Variants in ME3 observed in about 807,000 individuals in gnomAD.
The protein encoded by ME3 is malic enzyme 3.
A neutral mutation model predicts 68.9 loss-of-function variants in ME3; 48 were observed. The observed-to-expected ratio is 0.70, with a 90% CI of 0.55 to 0.89. ME3 has a LOEUF of 0.89. Ranked by LOEUF, ME3 falls within the 40% of genes least tolerant of loss-of-function variation. ME3 has a pLI of 0.00. For missense variants in ME3, 675 were observed against 797.4 expected, an observed-to-expected ratio of 0.85 and a Z score of 1.85; for synonymous variants, 320 against 318.8, an observed-to-expected ratio of 1.00 and a Z score of -0.04.
chr11:86,639,115 C>A (rs769415827), intron 2 of ME3, among the ~76,000 whole-genome samples: 1 of 152,238 alleles, frequency 6.6e-6, no homozygotes, highest in African/African-American at 2.4e-5. Context: ...CTTATTACTA[C>A]ATCTGTCTGA....
At chr11:86,579,941 G>T (rs1483369211) in intron 2 of ME3, among the ~76,000 whole-genome samples, 2 of 152,170 alleles carry the variant, frequency 1.3e-5, no homozygotes, top group African/African-American at 4.8e-5. Context: ...TGGAACCTTG[G>T]AACTTCAAAC....
intron 2 of ME3, among the ~76,000 whole-genome samples, chr11:86,612,392 T>C (rs929463487): frequency 9.2e-5 from 14 of 152,374 alleles, no homozygotes; most frequent in African/African-American, 3.4e-4. Flanking sequence ...TGTGTCTTTA[T>C]AGGAGAATGA....
chr11:86,476,569 G>T (rs1459908962), intron 7 of ME3, among the ~76,000 whole-genome samples: 1 of 152,142 alleles, frequency 6.6e-6, no homozygotes, highest in Non-Finnish European at 1.5e-5. Flanking sequence ...ACTCTGAGTG[G>T]TGAGTTTGAA....
At chr11:86,658,416 C>G (rs1327768760) in intron 2 of ME3, among the ~76,000 whole-genome samples, 1 of 152,006 alleles carries the variant, frequency 6.6e-6, no homozygotes, top group African/African-American at 2.4e-5. Flanking sequence ...AGCCACTGCA[C>G]TCAGCCTGCA....
intron 2 of ME3, among the ~76,000 whole-genome samples, chr11:86,647,352 G>A (rs1304161425): frequency 6.6e-5 from 10 of 152,090 alleles, no homozygotes; most frequent in African/African-American, 1.4e-4. Context: ...AGGTGTGGTG[G>A]CGGGCACCTG....
chr11:86,599,435 G>C (rs1336038159), intron 2 of ME3, among the ~76,000 whole-genome samples: 1 of 152,210 alleles, frequency 6.6e-6, no homozygotes, highest in Admixed American at 6.5e-5. Context: ...AAGCCTCCAA[G>C]AAATATGGGA....
At chr11:86,613,639 A>G (rs1251077150) in intron 2 of ME3, among the ~76,000 whole-genome samples, 2 of 152,198 alleles carry the variant, frequency 1.3e-5, no homozygotes, top group African/African-American at 4.8e-5. Context: ...TACAAAATCA[A>G]TGTGCAAAAA....
At chr11:86,666,301 G>A (rs1946584440) in intron 2 of ME3, among the ~76,000 whole-genome samples, 1 of 152,202 alleles carries the variant, frequency 6.6e-6, no homozygotes, top group African/African-American at 2.4e-5. Context: ...GGAATTCACA[G>A]CAGAGGTAAG....
intron 7 of ME3, among the ~76,000 whole-genome samples, chr11:86,470,653 C>T (rs778316787): frequency 2.4e-4 from 37 of 152,222 alleles, no homozygotes; most frequent in Non-Finnish European, 4.3e-4. Flanking sequence ...TGTTGCATCT[C>T]ATCCTCACCA....
rs548177364 is a variant in ME3, at chr11:86,569,780, G to T, written c.184-9957C>A. ...CCACTTTGTGGACTAGGAAACTGAG[G>T]TTAGAGTGGTAAGTAACTTGCCCAA... On this transcript the variant is annotated intron_variant, in intron 2 of 14. Transcript: ENST00000543262. Among the ~76,000 whole-genome samples, 10 of 152,320 alleles carry T rather than the reference G, an allele frequency of 6.6e-5. No individual in the cohort carries two copies. In the East Asian group the frequency reaches 1.9e-3, roughly 29 times the overall value.
intron 4 of ME3, among the ~76,000 whole-genome samples, chr11:86,537,245 C>G (rs1032915510): frequency 2.4e-4 from 37 of 151,284 alleles, no homozygotes; most frequent in Admixed American, 1.2e-3. Context: ...ATGTAACTAA[C>G]CTGCACAATG....
chr11:86,576,535 G>C (rs377291913), intron 2 of ME3, among the ~76,000 whole-genome samples: 2 of 152,330 alleles, frequency 1.3e-5, no homozygotes, highest in East Asian at 3.9e-4. Context: ...CTGCCTGCCT[G>C]AGCAAGCTCA....
intron 2 of ME3, among the ~76,000 whole-genome samples, chr11:86,587,590 C>G (rs1958814502): frequency 6.6e-6 from 1 of 152,162 alleles, no homozygotes; most frequent in African/African-American, 2.4e-5. Flanking sequence ...ACTACTGTAG[C>G]CCACACCTTC....
rs538935107 is a variant in ME3 at position 86,461,117 on chromosome 11, C to G, written c.919+3974G>C. Among the ~76,000 whole-genome samples the G allele has an allele frequency of 6.6e-5, 10 of 152,330 alleles. No individual in the cohort carries two copies. The East Asian group carries it at 7.7e-4, about 12-fold the overall frequency. ...GAATTTCATCCTTAACGAGAAGATA[C>G]CCTCCACCACTTCACACGTGCAGGA... On this transcript the variant is annotated intron_variant, in intron 8 of 14. Coordinates refer to ENST00000543262, the Ensembl canonical transcript of ME3.
chr11:86,536,123 G>A (rs1955638911), intron 4 of ME3, among the ~76,000 whole-genome samples: 1 of 152,186 alleles, frequency 6.6e-6, no homozygotes, highest in African/African-American at 2.4e-5. Flanking sequence ...TCCTTGTGTG[G>A]AAGGGGGCTG....
At chr11:86,566,905 G>T (rs1343243965) in intron 2 of ME3, among the ~76,000 whole-genome samples, 1 of 152,028 alleles carries the variant, frequency 6.6e-6, no homozygotes, top group East Asian at 1.9e-4. Context: ...CAGGGGAGTT[G>T]TGAGAAAGGA....
At chr11:86,573,452 A>T in intron 2 of ME3, among the ~76,000 whole-genome samples, 1 of 145,628 alleles carries the variant, frequency 6.9e-6, no homozygotes, top group Non-Finnish European at 1.5e-5. Flanking sequence ...GGTATATATG[A>T]ATGCTTGTGA....
At chr11:86,462,490 G>C in intron 8 of ME3, 3 of 904,406 alleles carry the variant, frequency 3.3e-6, no homozygotes, top group Non-Finnish European at 4.0e-6. Context: ...CTTTGTTCAA[G>C]GGTCAGCTGT....
chr11:86,506,149 C>G (rs914457571), intron 5 of ME3, among the ~76,000 whole-genome samples: 1 of 152,164 alleles, frequency 6.6e-6, no homozygotes, highest in African/African-American at 2.4e-5. Flanking sequence ...CGGATCTGCT[C>G]ATGCAACTTA....
Sources: allele counts gnomAD v4.1 joint callset (sites outside exome capture counted in the v4.1 genomes callset), GRCh38; gene constraint gnomAD v4.1.1; transcripts MANE v1.5; gene names NCBI Gene and HGNC (gene_info 2026-07-23, HGNC 2026-07-21).